Variants in FHIP2B observed in about 807,000 individuals in gnomAD.
FHIP2B encodes FHF complex subunit HOOK-interacting protein 2B.
In FHIP2B, 72 loss-of-function variants were observed where a neutral mutation model predicts 84.0. The observed-to-expected ratio is 0.86, with a 90% confidence interval of 0.71 to 1.04. The LOEUF is 1.04. Ranked by LOEUF, FHIP2B falls within the 50% of genes least tolerant of loss-of-function variation. FHIP2B has a pLI of 0.00. For synonymous variants in FHIP2B, 497 were observed against 418.7 expected, an observed-to-expected ratio of 1.19 and a Z score of -2.28; for missense variants, 972 against 968.9, an observed-to-expected ratio of 1.00 and a Z score of -0.04.
rs562663745 is a variant in FHIP2B, at chr8:22,100,000, G to A, written c.1341+107G>A. On this transcript the variant is annotated intron_variant, in intron 10 of 16. Coordinates refer to ENST00000289921, the MANE Select transcript of FHIP2B (RefSeq NM_022749.7). ...TGTTCCCAGTTGACTCCACCTTTGA[G>A]ACACTGAACTGCAAAACACTGCCGA... 709 of 1,179,614 alleles carry A rather than the reference G, an allele frequency of 6.0e-4. No homozygotes were observed. In the Middle Eastern group the frequency reaches 8.6e-3, roughly 14 times the overall value. The allele number at this position is 1,179,614 out of a possible 1,614,324, so 73.1% of individuals were successfully genotyped here.
At position 22,096,442 on chromosome 8, in the gene FHIP2B, G is replaced by A; in HGVS notation, c.230G>A (p.Gly77Glu). ...CAGCAGGCGGCCGCGGGTGAGGCAG[G>A]GCCCTGCCTGGAGTACCTGCTGCAG... ...EQQQAAAGEA[G>E]PCLEYLLQHK... The change falls in exon 3 of 17, where the codon GGG (glycine) becomes GAG (glutamate). Residue 77 changes from glycine to glutamate, a missense_variant. Coordinates refer to ENST00000289921, the MANE Select transcript of FHIP2B (RefSeq NM_022749.7). The A allele has an allele frequency of 6.4e-7, 1 of 1,555,190 alleles. No homozygotes were observed. Among genetic ancestry groups the A allele is most frequent in the East Asian group, 2.4e-5 (1 of 41,222 alleles).
chr8:22,103,353 GC>G lies in FHIP2B; in HGVS notation c.*424del, dbSNP rs781725886. 6 of 168,864 alleles carry G rather than the reference GC, an allele frequency of 3.6e-5. No individual in the cohort carries two copies. Among genetic ancestry groups the G allele is most frequent in the Non-Finnish European group, 7.6e-5 (6 of 78,914 alleles). The allele number at this position is 168,864 out of a possible 1,614,324, so 10.5% of individuals were successfully genotyped here. Reference sequence around the variant, plus strand: ...CCAGGCCAGTGAGATGGGGCCTGGAGCCTTGTCTGTGTCACATTAGGTACCA... The same window carrying G: ...CCAGGCCAGTGAGATGGGGCCTGGAGCTTGTCTGTGTCACATTAGGTACCA... On this transcript the variant is annotated 3_prime_UTR_variant, in exon 17 of 17. Coordinates refer to ENST00000289921, the MANE Select transcript of FHIP2B (RefSeq NM_022749.7).
At position 22,100,958 on chromosome 8, in the gene FHIP2B, C is replaced by T. The variant is rs1252815325; in HGVS notation, c.1602C>T (p.Thr534=). The change falls in exon 12 of 17, where the codon ACC becomes ACT. Residue 534 remains threonine, a synonymous_variant. Transcript: ENST00000289921. ...ATSYDGKTAV[T]EIVNSFLCLV... ...GTTACGATGGCAAAACAGCAGTGAC[C>T]GAGATCGTCAACAGGTGGGGAGCAA... 11 of 1,613,660 alleles carry T rather than the reference C, an allele frequency of 6.8e-6. No homozygotes were observed. Among genetic ancestry groups the T allele is most frequent in the South Asian group, 2.2e-5 (2 of 91,082 alleles).
intron 2 of FHIP2B, 136 bp from the exon 3 acceptor site, chr8:22,096,201 A>G: frequency 1.3e-6 from 1 of 782,350 alleles, no homozygotes; most frequent in South Asian, 2.2e-5. Flanking sequence ...TCCATTTCCC[A>G]GTTGCCAGCA....
intron 5 of FHIP2B, 32 bp from the exon 6 acceptor site, chr8:22,098,036 C>A: frequency 1.3e-6 from 2 of 1,562,014 alleles, no homozygotes; most frequent in South Asian, 2.4e-5. Flanking sequence ...GTGGTCCCCA[C>A]CAGGTCTGGC....
Position 22,096,424 on chromosome 8 carries a change from C to T in FHIP2B, c.212C>T (p.Ala71Val), listed in dbSNP as rs1201226217. 15 of 1,555,820 alleles carry T rather than the reference C, an allele frequency of 9.6e-6. No individual in the cohort carries two copies. The highest frequency in any genetic ancestry group is 5.8e-5 in the Admixed American group (3 of 51,454). ...CTGGTGTATGAAGAGCAGCAGCAGGCGGCCGCGGGTGAGGCAGGGCCCTGC... is the reference window on the plus strand; with the variant it reads ...CTGGTGTATGAAGAGCAGCAGCAGGTGGCCGCGGGTGAGGCAGGGCCCTGC... ...DILVYEEQQQ[A>V]AAGEAGPCLE... Residue 71 changes from alanine (A) to valine (V), a missense_variant, in exon 3 of 17, where the codon GCG (alanine) becomes GTG (valine). By Grantham distance (64) the Ala-to-Val change is moderately conservative. Coordinates refer to ENST00000289921, the MANE Select transcript of FHIP2B (RefSeq NM_022749.7).
intron 1 of FHIP2B, among the ~76,000 whole-genome samples, chr8:22,092,465 A>G (rs944200291): frequency 6.6e-6 from 1 of 152,008 alleles, no homozygotes; most frequent in African/African-American, 2.4e-5. Context: ...CTGTAATCCC[A>G]GCAACTTGGG....
chr8:22,094,845 A>C (rs1424449826), intron 2 of FHIP2B: 1 of 1,182,000 alleles, frequency 8.5e-7, no homozygotes, highest in South Asian at 2.1e-5. Flanking sequence ...CCAGACCTTC[A>C]GGCCCCAGGT....
intron 1 of FHIP2B, chr8:22,089,889 C>T (rs1296146687): frequency 1.6e-5 from 20 of 1,237,254 alleles, no homozygotes; most frequent in Non-Finnish European, 1.9e-5. Flanking sequence ...GGCCCCCAGC[C>T]GGGGAAATCG....
chr8:22,100,064 CT>C (rs33935872), intron 10 of FHIP2B, 171 bp downstream of exon 10: 235,636 of 481,248 alleles, frequency 0.49, 29,944 homozygotes, highest in African/African-American at 0.55. Context: ...TGATCATATA[CT>C]TTTTTTTTTT....
chr8:22,102,493 G>A (rs1475237295), intron 15 of FHIP2B, 35 bp from the exon 16 acceptor site: 2 of 1,544,910 alleles, frequency 1.3e-6, no homozygotes, highest in Non-Finnish European at 1.8e-6. Flanking sequence ...TGGTGTTGCT[G>A]GCCCCATCTG....
At chr8:22,097,868 G>C in intron 5 of FHIP2B, 29 bp downstream of exon 5, 1 of 1,607,344 alleles carries the variant, frequency 6.2e-7, no homozygotes, top group Non-Finnish European at 8.5e-7. Context: ...AACAGGAGGG[G>C]GAGGGCCCAG....
intron 6 of FHIP2B, 25 bp from the exon 7 acceptor site, chr8:22,098,398 C>G (rs757302325): frequency 1.3e-6 from 2 of 1,564,570 alleles, no homozygotes; most frequent in Admixed American, 1.8e-5. Context: ...ATGCATGTCC[C>G]TGAAGTTGTA....
chr8:22,101,243 G>A (rs1826095522), intron 12 of FHIP2B, 197 bp from the exon 13 acceptor site: 3 of 636,366 alleles, frequency 4.7e-6, no homozygotes, highest in East Asian at 2.8e-5. Flanking sequence ...GGCAGGTCTC[G>A]AACTCCTGAC....
rs186374087 is a variant in FHIP2B at position 22,090,440 on chromosome 8, C to G, written c.45+1142C>G. Among the ~76,000 whole-genome samples, 16 of 152,314 alleles carry G rather than the reference C, an allele frequency of 1.1e-4. No individual in the cohort carries two copies. In the East Asian group the frequency reaches 3.1e-3, roughly 29 times the overall value. On this transcript the variant is annotated intron_variant, in intron 1 of 16. Transcript: ENST00000289921. ...CCTGCTGTTGACCCAGGGCCAGGGC[C>G]TTGGGGCATCCAGGTAGAGAGGGTT... is the stretch of plus-strand genomic sequence containing the variant.
At position 22,097,554 on chromosome 8, in the gene FHIP2B, C is replaced by T. The variant is rs1563594389; in HGVS notation, c.336C>T (p.Phe112=). The change falls in exon 4 of 17, where the codon TTC becomes TTT. Residue 112 remains phenylalanine, a synonymous_variant. Transcript: ENST00000289921. The part of the protein sequence containing the change: ...PGMRQQVFQF[F]SKVLAQVQHP... ...TGCGGCAGCAGGTGTTCCAGTTCTT[C>T]AGCAAGGTTCTGGCGCAGGTGCAGC... is the stretch of plus-strand genomic sequence containing the variant. 2 of 1,610,096 alleles carry T rather than the reference C, an allele frequency of 1.2e-6. No individual in the cohort carries two copies. Among genetic ancestry groups the T allele is most frequent in the South Asian group, 2.2e-5 (2 of 90,130 alleles).
chr8:22,098,758 C>A, intron 7 of FHIP2B, 139 bp downstream of exon 7: 1 of 1,033,272 alleles, frequency 9.7e-7, no homozygotes, highest in Non-Finnish European at 1.4e-6. Context: ...TGCAGCTGAT[C>A]CCCAGGGGAC....
chr8:22,100,786 C>G (rs769068795), intron 11 of FHIP2B, 47 bp downstream of exon 11: 2 of 1,611,614 alleles, frequency 1.2e-6, no homozygotes, highest in Admixed American at 1.7e-5. Flanking sequence ...CCTTAGCACT[C>G]GCACGCTCAC....
chr8:22,093,929 G>T (rs774013774), intron 1 of FHIP2B, among the ~76,000 whole-genome samples: 1 of 151,902 alleles, frequency 6.6e-6, no homozygotes, highest in East Asian at 1.9e-4. Context: ...TGTTGCCGAG[G>T]CTGGTTTAAA....
Sources: gnomAD v4.1 joint callset for allele counts (sites outside exome capture counted in the v4.1 genomes callset) on GRCh38, gnomAD v4.1.1 for gene constraint, MANE v1.5 for transcripts, NCBI Gene and HGNC (gene_info 2026-07-23, HGNC 2026-07-21) for gene names.